Variants in UNC79 observed in about 807,000 individuals in gnomAD.
UNC79 encodes the protein protein unc-79 homolog.
A neutral mutation model predicts 283.1 loss-of-function variants in UNC79; 37 were observed. The ratio of observed to expected loss-of-function variants is 0.13; its 90% CI spans 0.10 to 0.17. UNC79 has a LOEUF of 0.17. UNC79 is among the 10% of genes least tolerant of loss of function. The pLI is 1.00. For synonymous variants in UNC79, 1,107 were observed against 1,200.2 expected (o/e 0.92, Z 1.61); for missense variants, 2,272 against 3,211.1 (o/e 0.71, Z 7.07).
upstream of UNC79, among the ~76,000 whole-genome samples, chr14:93,428,012 G>A (rs900154620): frequency 5.9e-5 from 9 of 152,280 alleles, no homozygotes; most frequent in African/African-American, 1.9e-4. Context: ...TGTTATAGAA[G>A]TCAAGGGAAG....
chr14:93,470,704 C>T (rs142864634), intron 2 of UNC79, among the ~76,000 whole-genome samples: 14 of 152,298 alleles, frequency 9.2e-5, no homozygotes, highest in African/African-American at 3.4e-4. Context: ...GAGTTGTACT[C>T]ATTTTAATTT....
At chr14:93,362,067 G>T (rs1190113274) in intron 1 of UNC79, among the ~76,000 whole-genome samples, 2 of 152,096 alleles carry the variant, frequency 1.3e-5, no homozygotes, top group East Asian at 3.9e-4. Flanking sequence ...TGCTTTTTGG[G>T]TGTGCTGCTA....
rs760838168 is a variant in UNC79, at chr14:93,637,303, A to T, written c.5800+4A>T. The T allele has an allele frequency of 6.2e-7, 1 of 1,613,886 alleles. No individual in the cohort carries two copies. Among genetic ancestry groups the T allele is most frequent in the Admixed American group, 1.7e-5 (1 of 59,980 alleles). ...GGACAGCCATTGAGGATGAGAGGTT[A>T]GTTGAGTCACAGAGTCTCTGGCTGT... On this transcript the variant is annotated splice_donor_region_variant and intron_variant, in intron 32 of 48. Coordinates refer to ENST00000555664, the Ensembl canonical transcript of UNC79.
chr14:93,565,932 TG>T (rs2062850168), intron 14 of UNC79, among the ~76,000 whole-genome samples: 1 of 151,804 alleles, frequency 6.6e-6, no homozygotes, highest in African/African-American at 2.4e-5. Context: ...CGGTTGGAGC[TG>T]ATGAAGTTAG....
chr14:93,607,345 T>A (rs1397905811), intron 26 of UNC79, among the ~76,000 whole-genome samples: 1 of 152,210 alleles, frequency 6.6e-6, no homozygotes, highest in African/African-American at 2.4e-5. Context: ...ATCCTTCCTG[T>A]ATATATAGTA....
At chr14:93,632,956 TAC>T (rs1169049758) in intron 31 of UNC79, among the ~76,000 whole-genome samples, 5 of 152,140 alleles carry the variant, frequency 3.3e-5, no homozygotes, top group Admixed American at 3.3e-4. Flanking sequence ...TCATGCCTGG[TAC>T]CTTATACACT....
intron 1 of UNC79, among the ~76,000 whole-genome samples, chr14:93,367,477 A>AG (rs1315038000): frequency 6.6e-6 from 1 of 152,214 alleles, no homozygotes; most frequent in Non-Finnish European, 1.5e-5. Flanking sequence ...AAGAAAAAAA[A>AG]GGGTATTCCT....
intron 1 of UNC79, among the ~76,000 whole-genome samples, chr14:93,453,133 T>A (rs925337106): frequency 1.3e-5 from 2 of 152,260 alleles, no homozygotes; most frequent in African/African-American, 4.8e-5. Flanking sequence ...GTTTTCCACA[T>A]AGCCAGACAT....
At chr14:93,586,719 C>T (rs766682543) in intron 21 of UNC79, 41 bp from the exon 22 acceptor site, 2 of 1,613,044 alleles carry the variant, frequency 1.2e-6, no homozygotes, top group East Asian at 2.2e-5. Flanking sequence ...GGTAGCATTA[C>T]TGTTTTGGAT....
chr14:93,549,229 A>G (rs1345700976), intron 14 of UNC79, among the ~76,000 whole-genome samples: 1 of 152,238 alleles, frequency 6.6e-6, no homozygotes, highest in Non-Finnish European at 1.5e-5. Context: ...TGAAAACTAC[A>G]TCTAAGCAGA....
In UNC79 at chr14:93,538,251, CA is replaced by C. The variant is rs766035584; in HGVS notation, c.1352+35del. The C allele has an allele frequency of 6.6e-6, 10 of 1,506,400 alleles. No homozygotes were observed. In the South Asian group the frequency reaches 1.2e-4, roughly 18 times the overall value. The allele number at this position is 1,506,400 out of a possible 1,614,324, so 93.3% of individuals were successfully genotyped here. On this transcript the variant is annotated intron_variant, in intron 12 of 48. Coordinates refer to ENST00000555664, the Ensembl canonical transcript of UNC79. ...GCAGTTTCTTAGTAGCTGCCTCTGA[CA>C]ACTCCACCTTGCTTTGAGCTAAGCT...
chr14:93,528,641 T>G lies in UNC79; in HGVS notation c.1047T>G (p.Ile349Met), dbSNP rs1377990877. The G allele has an allele frequency of 4.3e-6, 7 of 1,613,784 alleles. No individual in the cohort carries two copies. Among genetic ancestry groups the G allele is most frequent in the Non-Finnish European group, 5.9e-6 (7 of 1,179,736 alleles). Residue 349 changes from isoleucine to methionine, a missense_variant, in exon 9 of 49, where the codon ATT (isoleucine) becomes ATG (methionine). Around this residue, in one of 11 missense-constraint regions of UNC79, gnomAD observed 93 missense variants for 237.8 expected, o/e 0.39. Transcript: ENST00000555664. ...TCTGTGAAGAATGCAGCGAGAGGAT[T>G]GCAGGGTAGGTATAAGAGTTCTTAA...
At chr14:93,367,469 GA>G (rs1056423438) in intron 1 of UNC79, among the ~76,000 whole-genome samples, 8 of 150,326 alleles carry the variant, frequency 5.3e-5, no homozygotes, top group African/African-American at 9.8e-5. Flanking sequence ...TGTGAGAAAA[GA>G]AAAAAAAGGG....
chr14:93,694,335 A>G (rs775188540), exon 47 of UNC79: 4 of 1,606,798 alleles, frequency 2.5e-6, no homozygotes, highest in African/African-American at 1.3e-5. Flanking sequence ...GTTGTTTCAG[A>G]TGGTAGAAAT....
chr14:93,448,288 G>A (rs945512401), intron 1 of UNC79, among the ~76,000 whole-genome samples: 1 of 150,664 alleles, frequency 6.6e-6, no homozygotes, highest in Non-Finnish European at 1.5e-5. Context: ...TCTAACGGCT[G>A]TAAGTTCATT....
chr14:93,494,288 C>T (rs2058912877), intron 5 of UNC79, among the ~76,000 whole-genome samples: 1 of 152,100 alleles, frequency 6.6e-6, no homozygotes, highest in African/African-American at 2.4e-5. Context: ...AGGACCCACC[C>T]CCATGATCCA....
chr14:93,454,210 A>T (rs1302265576), intron 1 of UNC79, among the ~76,000 whole-genome samples: 2 of 151,868 alleles, frequency 1.3e-5, no homozygotes, highest in East Asian at 1.9e-4. Context: ...CTTGGTTATT[A>T]AAAAAATTTT....
At chr14:93,343,211 T>C (rs1025851679) in intron 1 of UNC79, among the ~76,000 whole-genome samples, 2 of 152,252 alleles carry the variant, frequency 1.3e-5, no homozygotes, top group African/African-American at 4.8e-5. Context: ...AAGAACTACC[T>C]GAGACTGGAT....
intron 35 of UNC79, among the ~76,000 whole-genome samples, chr14:93,650,487 A>G (rs1158963241): frequency 6.6e-6 from 1 of 151,996 alleles, no homozygotes; most frequent in African/African-American, 2.4e-5. Context: ...GGTCTTTTTA[A>G]TTTTGGTCAT....
Sources: allele counts gnomAD v4.1 joint callset (sites outside exome capture counted in the v4.1 genomes callset), GRCh38; gene constraint gnomAD v4.1.1; regional missense constraint gnomAD v4.1.1; transcripts MANE v1.5; gene names NCBI Gene and HGNC (gene_info 2026-07-23, HGNC 2026-07-21).